Variants in CDH4 observed in about 807,000 individuals in gnomAD.
The protein encoded by CDH4 is cadherin-4.
In CDH4, 33 loss-of-function variants were observed where a neutral mutation model predicts 86.0. That is an observed-to-expected ratio of 0.38 (90% CI 0.29 to 0.51). The LOEUF (loss-of-function observed/expected upper bound fraction) is 0.51, where lower values mean the gene tolerates loss of function less well. CDH4 is among the 20% of genes least tolerant of loss of function. The pLI is 0.86. For synonymous variants in CDH4, 555 were observed against 549.4 expected (o/e 1.01, Z -0.14); for missense variants, 1,114 against 1,307.4 (o/e 0.85, Z 2.28).
intron 2 of CDH4, among the ~76,000 whole-genome samples, chr20:61,484,556 G>C (rs544014920): frequency 6.6e-6 from 1 of 152,212 alleles, no homozygotes; most frequent in Admixed American, 6.5e-5. Context: ...CCACAACCAC[G>C]TGAAGAGCAG....
chr20:61,323,220 T>C (rs1193990099), intron 2 of CDH4, among the ~76,000 whole-genome samples: 3 of 152,218 alleles, frequency 2.0e-5, no homozygotes, highest in Non-Finnish European at 4.4e-5. Context: ...AGGACTTCTC[T>C]TCGTTAGGAG....
chr20:61,900,704 C>T (rs1309402379), intron 8 of CDH4, among the ~76,000 whole-genome samples: 2 of 152,174 alleles, frequency 1.3e-5, no homozygotes, highest in African/African-American at 2.4e-5. Context: ...TCCTTGGACC[C>T]GCCTGTCCAA....
rs191422543 is a variant in CDH4, at chr20:61,902,766, T to C, written c.1189-7656T>C. ...CAAAGAGGCTACATAGGTGTCGTTT[T>C]GGGAATATTTGAAGGAGGAAGATTC... On this transcript the variant is annotated intron_variant, in intron 8 of 15. Transcript: ENST00000614565. The surrounding 1 kb of genome is among the most constrained non-coding windows in gnomAD (Gnocchi z 4.6). 3.3e-5 allele frequency among the ~76,000 whole-genome samples: 5 copies of C among 152,250 alleles called. No individual in the cohort carries two copies. The highest frequency in any genetic ancestry group is 3.3e-4 in the Admixed American group (5 of 15,304).
intron 2 of CDH4, among the ~76,000 whole-genome samples, chr20:61,261,224 C>T (rs1430242716): frequency 1.3e-5 from 2 of 152,166 alleles, no homozygotes; most frequent in Non-Finnish European, 2.9e-5. Flanking sequence ...ATTCCTAAGT[C>T]AGTGGATCAG....
At chr20:61,477,227 G>A (rs957852603) in intron 2 of CDH4, among the ~76,000 whole-genome samples, 7 of 152,228 alleles carry the variant, frequency 4.6e-5, no homozygotes, top group Non-Finnish European at 7.3e-5. Flanking sequence ...ACCATGGTCC[G>A]GGGCAGGAGG....
chr20:61,778,681 A>C (rs532579043), intron 4 of CDH4, among the ~76,000 whole-genome samples: 2 of 152,172 alleles, frequency 1.3e-5, no homozygotes, highest in Non-Finnish European at 2.9e-5. Flanking sequence ...GGGAACACTC[A>C]GAACCCCAGG....
At position 61,565,299 on chromosome 20, in the gene CDH4, C is replaced by CCTCTTGGTGATGGGGAGGTGGTGGTGGT. The variant is rs2086279197; in HGVS notation, c.170-178264_170-178263insCTCTTGGTGATGGGGAGGTGGTGGTGGT. On this transcript the variant is annotated intron_variant, in intron 2 of 15. Coordinates refer to ENST00000614565, the MANE Select transcript of CDH4 (RefSeq NM_001794.5). ...CTTGGTGATGGGGTGATGGTGGTGG[C>CCTCTTGGTGATGGGGAGGTGGTGGTGGT]GGTGCTCTTGGTGGTGGCGGTGCTC... is the stretch of plus-strand genomic sequence containing the variant. Among the ~76,000 whole-genome samples the CCTCTTGGTGATGGGGAGGTGGTGGTGGT allele has an allele frequency of 6.0e-4, 6 of 10,054 alleles. 1 individual carries two copies. In the East Asian group the frequency reaches 0.018, roughly 31 times the overall value. 6.6% of individuals were successfully genotyped at this position (10,054 alleles called of 152,430 possible).
At chr20:61,752,132 G>A (rs1348131360) in intron 3 of CDH4, among the ~76,000 whole-genome samples, 1 of 152,154 alleles carries the variant, frequency 6.6e-6, no homozygotes, top group Non-Finnish European at 1.5e-5. Flanking sequence ...AGGAGTTCGA[G>A]ACCAGCCTGG....
chr20:61,523,275 G>A (rs752965698), intron 2 of CDH4, among the ~76,000 whole-genome samples: 19 of 152,366 alleles, frequency 1.2e-4, no homozygotes, highest in African/African-American at 3.1e-4. Flanking sequence ...AGGCGACTCC[G>A]TCTTTGGGTG....
chr20:61,625,742 A>G (rs2086824816), intron 2 of CDH4, among the ~76,000 whole-genome samples: 1 of 152,250 alleles, frequency 6.6e-6, no homozygotes, highest in Non-Finnish European at 1.5e-5. Flanking sequence ...AAGAGTTACC[A>G]TCATGGGTTC....
chr20:61,834,265 C>A (rs1022780142), intron 4 of CDH4, among the ~76,000 whole-genome samples: 4 of 152,164 alleles, frequency 2.6e-5, no homozygotes, highest in African/African-American at 4.8e-5. Flanking sequence ...CTGCCCCTTG[C>A]CCCCCCTCAC....
At chr20:61,286,197 C>T (rs2084292344) in intron 2 of CDH4, among the ~76,000 whole-genome samples, 1 of 152,228 alleles carries the variant, frequency 6.6e-6, no homozygotes, top group African/African-American at 2.4e-5. Context: ...AACCCAGACT[C>T]CCAGATCTGG....
intron 2 of CDH4, among the ~76,000 whole-genome samples, chr20:61,442,405 A>T (rs144540218): frequency 7.7e-6 from 1 of 129,952 alleles, no homozygotes; most frequent in African/African-American, 2.7e-5. Flanking sequence ...CATATCGCTT[A>T]TGCTCATCAT....
intron 3 of CDH4, among the ~76,000 whole-genome samples, chr20:61,745,197 A>G (rs2088399210): frequency 6.6e-6 from 1 of 152,200 alleles, no homozygotes. Flanking sequence ...AGGCAAGCAG[A>G]TTCCTTTCCG....
At chr20:61,794,941 CTAA>C (rs1431019010) in intron 4 of CDH4, among the ~76,000 whole-genome samples, 4 of 151,746 alleles carry the variant, frequency 2.6e-5, no homozygotes, top group Middle Eastern at 3.2e-3. Flanking sequence ...TCCCTCTGTC[CTAA>C]TGTTTGTCAG....
intron 7 of CDH4, among the ~76,000 whole-genome samples, chr20:61,890,303 T>C (rs1451222191): frequency 6.6e-6 from 1 of 150,674 alleles, no homozygotes; most frequent in Admixed American, 6.6e-5. Context: ...GAAGGGTGGA[T>C]GGATGGATGG....
intron 2 of CDH4, among the ~76,000 whole-genome samples, chr20:61,646,646 T>C (rs1388009635): frequency 6.6e-6 from 1 of 152,242 alleles, no homozygotes; most frequent in African/African-American, 2.4e-5. Context: ...CTCTCACTCC[T>C]GCAGGCAGGT....
intron 4 of CDH4, among the ~76,000 whole-genome samples, chr20:61,796,760 G>A (rs1446466479): frequency 2.0e-5 from 3 of 152,156 alleles, no homozygotes; most frequent in Non-Finnish European, 4.4e-5. Flanking sequence ...GTGGCTCCCA[G>A]CACCCCCATC....
chr20:61,752,835 C>T (rs1392311501), intron 3 of CDH4, among the ~76,000 whole-genome samples: 1 of 152,124 alleles, frequency 6.6e-6, no homozygotes, highest in African/African-American at 2.4e-5. Flanking sequence ...TCGGGTGGCA[C>T]TGAGGTGCAG....
Sources: gnomAD v4.1 joint callset for allele counts (sites outside exome capture counted in the v4.1 genomes callset) on GRCh38, gnomAD v4.1.1 for gene constraint, Gnocchi (gnomAD v3.1) non-coding constraint, MANE v1.5 for transcripts, NCBI Gene and HGNC (gene_info 2026-07-23, HGNC 2026-07-21) for gene names.